The following PRKN variants were observed in gnomAD, a reference collection of about 807,000 sequenced individuals.
PRKN encodes the protein parkin RBR E3 ubiquitin protein ligase, also known as E3 ubiquitin-protein ligase parkin.
Under a neutral mutation model 59.5 loss-of-function variants are expected in PRKN, and 56 were observed. The observed-to-expected ratio is 0.94, with a 90% CI of 0.76 to 1.18. PRKN has a LOEUF of 1.18. Ranked by LOEUF, PRKN falls within the 50% of genes most tolerant of loss-of-function variation. The pLI, the probability that PRKN is intolerant of heterozygous loss-of-function variation, is 0.00. For synonymous variants in PRKN, 250 were observed against 222.1 expected (o/e 1.13, Z -1.12); for missense variants, 657 against 596.4 (o/e 1.10, Z -1.06).
At chr6:162,109,206 A>G (rs1435128145) in intron 4 of PRKN, among the ~76,000 whole-genome samples, 1 of 152,184 alleles carries the variant, frequency 6.6e-6, no homozygotes, top group Non-Finnish European at 1.5e-5. Flanking sequence ...GCCCAGCCCT[A>G]TTTTAGCTAG....
intron 1 of PRKN, among the ~76,000 whole-genome samples, chr6:162,586,141 T>C (rs368524490): frequency 6.6e-6 from 1 of 152,172 alleles, no homozygotes; most frequent in Non-Finnish European, 1.5e-5. Flanking sequence ...TTCACCCCCA[T>C]TTAGCCTGAC....
chr6:161,876,187 T>C (rs1311563727), intron 6 of PRKN, among the ~76,000 whole-genome samples: 1 of 152,206 alleles, frequency 6.6e-6, no homozygotes, highest in Non-Finnish European at 1.5e-5. Context: ...TTAAGCCATA[T>C]TGATTATTAC....
Position 162,443,317 on chromosome 6 carries a change from G to A in PRKN, c.164C>T (p.Thr55Ile), listed in dbSNP as rs1790150139. ...CCGCCAAGGGAGACTCACCTGCACA[G>A]TCCAGTCATTCCTCAGCTCCTTCCC... Reference protein sequence around the residue: ...FAGKELRNDWTVQNCDLDQQS... With the variant: ...FAGKELRNDWIVQNCDLDQQS... Residue 55 changes from threonine to isoleucine, a missense_variant, in exon 2 of 12, where the codon ACT (threonine) becomes ATT (isoleucine). Physicochemically the swap from Thr to Ile is moderately conservative, Grantham distance 89 (BLOSUM62 -1). Transcript: ENST00000366898. 6 of 1,612,212 alleles carry A rather than the reference G, an allele frequency of 3.7e-6. No homozygotes were observed. The highest frequency in any genetic ancestry group is 2.2e-4 in the Middle Eastern group (1 of 4,614).
chr6:162,010,001 A>G (rs1171442761), intron 5 of PRKN, among the ~76,000 whole-genome samples: 1 of 151,414 alleles, frequency 6.6e-6, no homozygotes, highest in Non-Finnish European at 1.5e-5. Flanking sequence ...TAACTTCAAC[A>G]TCTGCATGCT....
At chr6:162,565,057 T>C (rs988629311) in intron 1 of PRKN, among the ~76,000 whole-genome samples, 1 of 149,788 alleles carries the variant, frequency 6.7e-6, no homozygotes. Context: ...AAATAACTTT[T>C]CAAGGCATAG....
At chr6:161,993,678 G>A (rs781728352) in intron 5 of PRKN, among the ~76,000 whole-genome samples, 7 of 152,116 alleles carry the variant, frequency 4.6e-5, no homozygotes, top group African/African-American at 7.2e-5. Flanking sequence ...TGTCTTAGTC[G>A]ATTTGTCTTG....
intron 2 of PRKN, among the ~76,000 whole-genome samples, chr6:162,300,977 T>C (rs1360726440): frequency 1.5e-5 from 2 of 134,816 alleles, no homozygotes; most frequent in African/African-American, 5.8e-5. Context: ...AAGAATAGAT[T>C]TTTTTTTAAT....
chr6:161,913,170 G>GAAAAAAA (rs762633376), intron 6 of PRKN, among the ~76,000 whole-genome samples: 1 of 86,624 alleles, frequency 1.2e-5, no homozygotes, highest in Non-Finnish European at 2.2e-5. Context: ...TCCATCTCAG[G>GAAAAAAA]AAAAAAAAAA....
At chr6:162,353,996 G>A (rs866310411) in intron 2 of PRKN, among the ~76,000 whole-genome samples, 13 of 152,140 alleles carry the variant, frequency 8.5e-5, no homozygotes, top group African/African-American at 2.2e-4. Flanking sequence ...TTATTTTATC[G>A]TTATAAGTTC....
chr6:161,714,218 AAGAG>A (rs1490441690), intron 7 of PRKN, among the ~76,000 whole-genome samples: 1 of 152,186 alleles, frequency 6.6e-6, no homozygotes, highest in African/African-American at 2.4e-5. Context: ...GAGGGGAAGA[AAGAG>A]AGCCCCAGCC....
chr6:162,664,219 G>C (rs906495600), intron 1 of PRKN, among the ~76,000 whole-genome samples: 2 of 152,120 alleles, frequency 1.3e-5, no homozygotes, highest in Non-Finnish European at 2.9e-5. Flanking sequence ...CAAAGGACAC[G>C]ATTTCATTCT....
rs9347514 is a variant in PRKN, at chr6:161,460,905, A to G, written c.1084-74028T>C. On this transcript the variant is annotated intron_variant, in intron 9 of 11. Transcript: ENST00000366898. This position sits in a 1 kb window ranked among gnomAD's most constrained non-coding sequence, Gnocchi z 5.0. ...GCTGGGACTACAGGTACGCACCACCACGCCCAGCTAATTTTTCTTTCTTTT... is the reference window on the plus strand; with the variant it reads ...GCTGGGACTACAGGTACGCACCACCGCGCCCAGCTAATTTTTCTTTCTTTT... 2.6e-4 allele frequency among the ~76,000 whole-genome samples: 39 copies of G among 148,464 alleles called. No homozygotes were observed. In the East Asian group the frequency reaches 7.1e-3, roughly 27 times the overall value.
intron 7 of PRKN, among the ~76,000 whole-genome samples, chr6:161,621,073 T>C (rs1306995119): frequency 6.6e-6 from 1 of 152,138 alleles, no homozygotes; most frequent in South Asian, 2.1e-4. Context: ...TTACCATCAA[T>C]GCCCCTGACA....
chr6:162,342,735 C>T (rs1784236325), intron 2 of PRKN, among the ~76,000 whole-genome samples: 1 of 152,152 alleles, frequency 6.6e-6, no homozygotes, highest in Non-Finnish European at 1.5e-5. Context: ...ATGACACAGA[C>T]ATAGAAACTA....
At chr6:161,596,593 G>A (rs1000746887) in intron 7 of PRKN, among the ~76,000 whole-genome samples, 8 of 151,784 alleles carry the variant, frequency 5.3e-5, no homozygotes, top group Non-Finnish European at 1.2e-4. Context: ...CAGCGATATC[G>A]ACAAGAAACC....
At chr6:161,970,688 C>T (rs1461338979) in intron 6 of PRKN, among the ~76,000 whole-genome samples, 1 of 151,888 alleles carries the variant, frequency 6.6e-6, no homozygotes, top group Non-Finnish European at 1.5e-5. Flanking sequence ...CAGGCATGTG[C>T]CACTACGCCT....
intron 4 of PRKN, among the ~76,000 whole-genome samples, chr6:162,116,653 G>A (rs1314843128): frequency 6.6e-6 from 1 of 152,150 alleles, no homozygotes; most frequent in African/African-American, 2.4e-5. Flanking sequence ...GTCACTATGG[G>A]TTCAGAGATA....
At chr6:161,383,540 T>C (rs1786089541) in intron 10 of PRKN, among the ~76,000 whole-genome samples, 1 of 152,174 alleles carries the variant, frequency 6.6e-6, no homozygotes, top group Non-Finnish European at 1.5e-5. Context: ...AGGCAAGATG[T>C]CCATGCTCAC....
chr6:161,775,107 G>A (rs1056482824), intron 7 of PRKN, among the ~76,000 whole-genome samples: 1 of 152,210 alleles, frequency 6.6e-6, no homozygotes, highest in African/African-American at 2.4e-5. Context: ...GAGATTGCAT[G>A]TGGATAGGCT....
Sources: gnomAD v4.1 joint callset for allele counts (sites outside exome capture counted in the v4.1 genomes callset) on GRCh38, gnomAD v4.1.1 for gene constraint, Gnocchi (gnomAD v3.1) non-coding constraint, MANE v1.5 for transcripts, NCBI Gene and HGNC (gene_info 2026-07-23, HGNC 2026-07-21) for gene names.